Variants in BRCA2 observed in about 807,000 individuals in gnomAD.
BRCA2 encodes BRCA2 DNA repair associated.
Under a neutral mutation model 276.7 loss-of-function variants are expected in BRCA2, and 203 were observed. The observed-to-expected ratio is 0.73, with a 90% CI of 0.65 to 0.82. BRCA2 has a LOEUF of 0.82. Among genes scored for constraint, BRCA2 ranks in the 40% least tolerant of loss-of-function variants. BRCA2 has a pLI of 0.00. For missense variants in BRCA2, 3,920 were observed against 3,915.0 expected, an observed-to-expected ratio of 1.00 and a Z score of -0.03; for synonymous variants, 1,289 against 1,338.4, an observed-to-expected ratio of 0.96 and a Z score of 0.81.
At chr13:32,383,201 A>C (rs2072936268) in intron 24 of BRCA2, among the ~76,000 whole-genome samples, 1 of 147,922 alleles carries the variant, frequency 6.8e-6, no homozygotes, top group Non-Finnish European at 1.5e-5. Flanking sequence ...TCTACTAAAA[A>C]TACAAAAAAT....
At position 32,396,968 on chromosome 13, in the gene BRCA2, G is replaced by A. The variant is rs397508063; in HGVS notation, c.9572G>A (p.Trp3191Ter). The A allele has an allele frequency of 6.2e-7, 1 of 1,613,984 alleles. No homozygotes were observed. The highest frequency in any genetic ancestry group is 8.5e-7 in the Non-Finnish European group (1 of 1,179,900). The change falls in exon 26 of 27, where the codon TGG becomes TAG. Residue 3191 changes from tryptophan to a stop codon, truncating the protein, a stop_gained. Transcript: ENST00000380152. LOFTEE classifies it high-confidence loss of function. ...ATACTGCATGCAAATGATCCCAAGTGGTCCACCCCAACTAAAGACTGTACT... is the reference window on the plus strand; with the variant it reads ...ATACTGCATGCAAATGATCCCAAGTAGTCCACCCCAACTAAAGACTGTACT... ...MHILHANDPK[W>*]STPTKDCTSG...
chr13:32,352,873 T>A (rs540841100), intron 13 of BRCA2, among the ~76,000 whole-genome samples: 66 of 152,196 alleles, frequency 4.3e-4, no homozygotes, highest in Non-Finnish European at 7.5e-4. Flanking sequence ...TTCAGTAGAT[T>A]TGGCCAGATA....
In BRCA2 at chr13:32,341,182, C is replaced by A. The variant is rs748541466; in HGVS notation, c.6827C>A (p.Pro2276His). 8.7e-6 allele frequency: 14 copies of A among 1,613,790 alleles called. No individual in the cohort carries two copies. The South Asian group carries it at 1.4e-4, about 16-fold the overall frequency. The change falls in exon 11 of 27, where the codon CCC becomes CAC. Residue 2276 changes from proline to histidine, a missense_variant. Pro to His is a moderately conservative substitution (Grantham distance 77). This residue lies in a region of BRCA2 where 3,263 missense variants were observed against 3,156.9 expected (regional missense o/e 1.03). Coordinates refer to ENST00000380152, the MANE Select transcript of BRCA2 (RefSeq NM_000059.4). ...NSRIGKRRGE[P>H]LILVGEPSIK... ...AGAATTGGAAAAAGAAGAGGAGAGCCCCTTATCTTAGTGGGTAAGTGTTCA... is the reference window on the plus strand; with the variant it reads ...AGAATTGGAAAAAGAAGAGGAGAGCACCTTATCTTAGTGGGTAAGTGTTCA...
rs768335521 is a variant in BRCA2 at position 32,379,831 on chromosome 13, C to A, written c.9035C>A (p.Ala3012Glu). 1.2e-6 allele frequency: 2 copies of A among 1,613,160 alleles called. No homozygotes were observed. The highest frequency in any genetic ancestry group is 1.7e-6 in the Non-Finnish European group (2 of 1,179,234). The stretch of plus-strand genomic sequence containing the variant: ...AAGAGATACAGAATTTATCATCTTG[C>A]AACTTCAAAATCTAAAAGTAAATCT... Reference protein sequence around the residue: ...EGKRYRIYHLATSKSKSKSER... With the variant: ...EGKRYRIYHLETSKSKSKSER... The change falls in exon 23 of 27, where the codon GCA becomes GAA. Residue 3012 changes from alanine (A) to glutamate (E), a missense_variant. This residue lies in a region of BRCA2 where 657 missense variants were observed against 758.2 expected (regional missense o/e 0.87). Transcript: ENST00000380152.
Position 32,332,538 on chromosome 13 carries a change from T to C in BRCA2, c.1060T>C (p.Phe354Leu), listed in dbSNP as rs1318579197. The C allele has an allele frequency of 6.2e-7, 1 of 1,612,620 alleles. No homozygotes were observed. The highest frequency in any genetic ancestry group is 1.7e-5 in the Admixed American group (1 of 59,734). ...AAACCAAGTGAAAGAAAAATACTCATTTGTATCTGAAGTGGAACCAAATGA... is the reference window on the plus strand; with the variant it reads ...AAACCAAGTGAAAGAAAAATACTCACTTGTATCTGAAGTGGAACCAAATGA... ...SKNQVKEKYS[F>L]VSEVEPNDTD... The change falls in exon 10 of 27, where the codon TTT becomes CTT. Residue 354 changes from phenylalanine (F) to leucine (L), a missense_variant. By Grantham distance (22) the Phe-to-Leu change is conservative. Around this residue, in one of 2 missense-constraint regions of BRCA2, gnomAD observed 3,263 missense variants for 3,156.9 expected, o/e 1.03. Transcript: ENST00000380152.
rs1057521551 is a variant in BRCA2 at position 32,355,068 on chromosome 13, C to T, written c.7215C>T (p.Val2405=). 1 of 1,613,976 alleles carries T rather than the reference C, an allele frequency of 6.2e-7. No homozygotes were observed. The highest frequency in any genetic ancestry group is 1.7e-5 in the Admixed American group (1 of 60,020). Residue 2405 remains valine, a synonymous_variant, in exon 14 of 27, where the codon GTC becomes GTT. Transcript: ENST00000380152. ...TTACTACAGGCAGACCAACCAAAGT[C>T]TTTGTTCCACCTTTTAAAACTAAAT... ...HLITTGRPTK[V]FVPPFKTKSH... is the part of the protein sequence containing the mutation.
chr13:32,358,891 G>A (rs1215807218), intron 16 of BRCA2, among the ~76,000 whole-genome samples: 3 of 149,846 alleles, frequency 2.0e-5, no homozygotes, highest in African/African-American at 4.9e-5. Context: ...CCAAGATCAC[G>A]CCACTGCACT....
intron 18 of BRCA2, among the ~76,000 whole-genome samples, chr13:32,368,316 A>G (rs1210108130): frequency 6.6e-6 from 1 of 152,018 alleles, no homozygotes; most frequent in Non-Finnish European, 1.5e-5. Flanking sequence ...CTGTAAATCC[A>G]GAAAAGGATT....
In BRCA2 at chr13:32,340,487, C is replaced by T. The variant is rs1057520745; in HGVS notation, c.6132C>T (p.Gly2044=). ...RTPEHLISQK[G]FSYNVVNSSA... is the part of the protein sequence containing the mutation. ...CAGAACATTTAATATCCCAAAAAGG[C>T]TTTTCATATAATGTGGTAAATTCAT... The change falls in exon 11 of 27, where the codon GGC becomes GGT. Residue 2044 remains glycine, a synonymous_variant. Transcript: ENST00000380152. 2 of 1,613,498 alleles carry T rather than the reference C, an allele frequency of 1.2e-6. No individual in the cohort carries two copies. Among genetic ancestry groups the T allele is most frequent in the Non-Finnish European group, 1.7e-6 (2 of 1,179,786 alleles).
At chr13:32,387,046 A>G (rs1034129928) in intron 24 of BRCA2, among the ~76,000 whole-genome samples, 2 of 5,598 alleles carry the variant, frequency 3.6e-4, no homozygotes, top group Non-Finnish European at 5.4e-3. Flanking sequence ...TCTCACCTCC[A>G]CCTTTGCTTC....
At chr13:32,362,789 C>T in intron 17 of BRCA2, 96 bp downstream of exon 17, 7 of 1,371,866 alleles carry the variant, frequency 5.1e-6, no homozygotes, top group Non-Finnish European at 6.2e-6. Flanking sequence ...TTGCACAAGC[C>T]AGTTGTCAGT....
chr13:32,341,469 A>G (rs2072569467), intron 11 of BRCA2, among the ~76,000 whole-genome samples: 1 of 152,200 alleles, frequency 6.6e-6, no homozygotes, highest in African/African-American at 2.4e-5. Flanking sequence ...CAAAAAGATT[A>G]TTAGTATAAT....
At chr13:32,376,227 G>T in intron 20 of BRCA2, among the ~76,000 whole-genome samples, 1 of 150,940 alleles carries the variant, frequency 6.6e-6, no homozygotes, top group Non-Finnish European at 1.5e-5. Context: ...AAATTTCCTG[G>T]AAAACTTATA....
At chr13:32,332,187 CTG>C in intron 9 of BRCA2, 83 bp from the exon 10 acceptor site, 1 of 1,293,426 alleles carries the variant, frequency 7.7e-7, no homozygotes, top group Non-Finnish European at 1.1e-6. Context: ...TCTACATAAA[CTG>C]TTTCTATGAG....
Position 32,398,872 on chromosome 13 carries a change from G to C in BRCA2, c.*102G>C, listed in dbSNP as rs1395179028. On this transcript the variant is annotated 3_prime_UTR_variant, in exon 27 of 27. Coordinates refer to ENST00000380152, the MANE Select transcript of BRCA2 (RefSeq NM_000059.4). ...CACATTAGTACTTATGTTGCACAAT[G>C]AGAAAAGAAATTAGTTTCAAATTTA... The C allele has an allele frequency of 7.0e-7, 1 of 1,426,282 alleles. No homozygotes were observed. The highest frequency in any genetic ancestry group is 9.4e-7 in the Non-Finnish European group (1 of 1,067,786). The allele number at this position is 1,426,282 out of a possible 1,614,324, so 88.4% of individuals were successfully genotyped here. A position where few individuals can be genotyped will look rare whatever the true frequency, so the allele number is the denominator to read the frequency against.
At chr13:32,341,561 A>T (rs960764391) in intron 11 of BRCA2, among the ~76,000 whole-genome samples, 1 of 152,224 alleles carries the variant, frequency 6.6e-6, no homozygotes, top group South Asian at 2.1e-4. Context: ...ATACTAACTT[A>T]ACTGTTTTCA....
chr13:32,340,476 T>C lies in BRCA2; in HGVS notation c.6121T>C (p.Ser2041Pro), dbSNP rs1160083526. The C allele has an allele frequency of 1.9e-6, 3 of 1,613,478 alleles. No individual in the cohort carries two copies. The highest frequency in any genetic ancestry group is 4.5e-5 in the East Asian group (2 of 44,846). ...TATACGTACTCCAGAACATTTAATA[T>C]CCCAAAAAGGCTTTTCATATAATGT... The part of the protein sequence containing the change: ...TAIRTPEHLI[S>P]QKGFSYNVVN... The change falls in exon 11 of 27, where the codon TCC (serine) becomes CCC (proline). Residue 2041 changes from serine to proline, a missense_variant. By Grantham distance (74) the Ser-to-Pro change is moderately conservative (BLOSUM62 -1). Coordinates refer to ENST00000380152, the MANE Select transcript of BRCA2 (RefSeq NM_000059.4).
In BRCA2 at chr13:32,394,839, T is replaced by C. The variant is rs398122614; in HGVS notation, c.9407T>C (p.Leu3136Pro). Residue 3136 changes from leucine (L) to proline (P), a missense_variant, in exon 25 of 27, where the codon CTT becomes CCT. Leu to Pro is a moderately conservative substitution (Grantham distance 98, BLOSUM62 -3). Around this residue, in one of 2 missense-constraint regions of BRCA2, gnomAD observed 657 missense variants for 758.2 expected, o/e 0.87. Transcript: ENST00000380152. Reference protein sequence around the residue: ...QWRPESKSGLLTLFAGDFSVF... With the variant: ...QWRPESKSGLPTLFAGDFSVF... ...CGACCAGAATCCAAATCAGGCCTTC[T>C]TACTTTATTTGCTGGAGATTTTTCT... 3.7e-6 allele frequency: 6 copies of C among 1,614,030 alleles called. No individual in the cohort carries two copies. In the African/African-American group the frequency reaches 6.7e-5, roughly 18 times the overall value.
chr13:32,327,128 G>A (rs1360776498), intron 7 of BRCA2, among the ~76,000 whole-genome samples: 2 of 152,188 alleles, frequency 1.3e-5, no homozygotes, highest in Non-Finnish European at 2.9e-5. Flanking sequence ...TCTCACCACA[G>A]TTTCTCTTAC....
Sources: allele counts gnomAD v4.1 joint callset (sites outside exome capture counted in the v4.1 genomes callset), GRCh38; gene constraint gnomAD v4.1.1; regional missense constraint gnomAD v4.1.1; transcripts MANE v1.5; gene names NCBI Gene and HGNC (gene_info 2026-07-23, HGNC 2026-07-21).